The following BEST1 variants were observed in gnomAD, a reference collection of about 807,000 sequenced individuals.
BEST1 encodes bestrophin-1.
A neutral mutation model predicts 63.3 loss-of-function variants in BEST1; 58 were observed. The ratio of observed to expected loss-of-function variants is 0.92; its 90% CI spans 0.74 to 1.14. The LOEUF is 1.14. BEST1 is among the 50% of genes most tolerant of loss of function. The probability of loss-of-function intolerance (pLI) is 0.00; values close to 1 mark genes in which losing one functional copy is unlikely to be tolerated. For synonymous variants in BEST1, 283 were observed against 291.6 expected (o/e 0.97, Z 0.30); for missense variants, 671 against 740.1 (o/e 0.91, Z 1.08).
intron 9 of BEST1, chr11:61,960,945 A>C (rs1286374716): frequency 6.6e-6 from 1 of 151,776 alleles, no homozygotes; most frequent in Non-Finnish European, 1.5e-5. Flanking sequence ...TGCCTTGGAG[A>C]GTGTTGGGCA....
chr11:61,955,794 C>A lies in BEST1; in HGVS notation c.324C>A (p.Ser108Arg). 6.5e-7 allele frequency: 1 copy of A among 1,550,286 alleles called. No individual in the cohort carries two copies. Among genetic ancestry groups the A allele is most frequent in the Non-Finnish European group, 8.7e-7 (1 of 1,146,932 alleles). The change falls in exon 4 of 11, where the codon AGC becomes AGA. Residue 108 changes from serine to arginine, a missense_variant. Physicochemically the swap from Ser to Arg is moderately radical, Grantham distance 110. Transcript: ENST00000378043. Reference protein sequence around the residue: ...ENLPWPDRLMSLVSGFVEGKD... With the variant: ...ENLPWPDRLMRLVSGFVEGKD... ...TGCCGTGGCCCGACCGCCTCATGAG[C>A]CTGGTGTCGGGCTTCGTCGAAGGCA... is the stretch of plus-strand genomic sequence containing the variant.
rs932972380 is a variant in BEST1, at chr11:61,955,952, G to A, written c.481+1G>A. ...AGCGCCCAGCACCTGGTGCAAGCAG[G>A]TGGGCGGACCGGGAGCAACGGGGAG... On this transcript the variant is annotated splice_donor_variant, in intron 4 of 10. Coordinates refer to ENST00000378043, the MANE Select transcript of BEST1 (RefSeq NM_004183.4). LOFTEE classifies it high-confidence loss of function. 1.3e-6 allele frequency: 2 copies of A among 1,545,958 alleles called. No individual in the cohort carries two copies. The highest frequency in any genetic ancestry group is 2.5e-5 in the East Asian group (1 of 40,800).
chr11:61,959,362 A>G (rs1941789355), intron 7 of BEST1, 136 bp from the exon 8 acceptor site: 1 of 828,748 alleles, frequency 1.2e-6, no homozygotes, highest in Non-Finnish European at 2.0e-6. Context: ...GGAGCCCTAA[A>G]CTCTGCCTTT....
At chr11:61,963,416 G>C (rs913766912) in intron 10 of BEST1, 7 of 1,194,362 alleles carry the variant, frequency 5.9e-6, no homozygotes, top group South Asian at 3.6e-5. Context: ...AGCGCCCTTA[G>C]GTCATTTTCT....
At chr11:61,963,236 C>T in intron 10 of BEST1, 1 of 1,389,280 alleles carries the variant, frequency 7.2e-7, no homozygotes, top group South Asian at 1.9e-5. Flanking sequence ...CTGGCCCCAA[C>T]TTACTTTGAG....
rs536333519 is a variant in BEST1, at chr11:61,958,246, T to C, written c.815T>C (p.Val272Ala). 1.9e-6 allele frequency: 3 copies of C among 1,614,228 alleles called. No homozygotes were observed. The highest frequency in any genetic ancestry group is 2.2e-5 in the East Asian group (1 of 44,882). The change falls in exon 7 of 11, where the codon GTT becomes GCT. Residue 272 changes from valine to alanine, a missense_variant. By Grantham distance (64) the Val-to-Ala change is moderately conservative. Transcript: ENST00000378043. ...KAYPGHELDL[V>A]VPVFTFLQFF... ...TACCCTGGCCATGAGCTGGACCTCG[T>C]TGTGCCCGTCTTCACGTTCCTGCAG...
In BEST1 at chr11:61,951,939, A is replaced by G. The variant is rs1940711760; in HGVS notation, c.133A>G (p.Ile45Val). The change falls in exon 2 of 11, where the codon ATC (isoleucine) becomes GTC (valine). Residue 45 changes from isoleucine to valine, a missense_variant. Physicochemically the swap from Ile to Val is conservative, Grantham distance 29. Coordinates refer to ENST00000378043, the MANE Select transcript of BEST1 (RefSeq NM_004183.4). The part of the protein sequence containing the change: ...EFLIFLLCYY[I>V]IRFIYRLALT... ...CTTAATCTTCCTGCTCTGCTACTAC[A>G]TCATCCGCTTTATTTATAGGTAAAG... 1.2e-6 allele frequency: 2 copies of G among 1,613,386 alleles called. No individual in the cohort carries two copies. The highest frequency in any genetic ancestry group is 3.3e-5 in the Admixed American group (2 of 59,980).
Position 61,964,358 on chromosome 11 carries a change from C to A in BEST1, c.*236C>A. 1 of 829,430 alleles carries A rather than the reference C, an allele frequency of 1.2e-6. No individual in the cohort carries two copies. The highest frequency in any genetic ancestry group is 1.8e-6 in the Non-Finnish European group (1 of 546,510). The allele number at this position is 829,430 out of a possible 1,614,324, so 51.4% of individuals were successfully genotyped here. A position where few individuals can be genotyped will look rare whatever the true frequency, so the allele number is the denominator to read the frequency against. On this transcript the variant is annotated 3_prime_UTR_variant, in exon 11 of 11. Transcript: ENST00000378043. ...AACCATTGGAAACATTTAACTCAGA[C>A]TCTGGATTCAGAGTCGGGAACCCTT...
chr11:61,963,368 C>T, intron 10 of BEST1: 1 of 1,268,018 alleles, frequency 7.9e-7, no homozygotes, highest in Non-Finnish European at 9.9e-7. Flanking sequence ...AACTGCCTCA[C>T]TCCTAGGAAC....
In BEST1 at chr11:61,964,159, C is replaced by T. The variant is rs770767972; in HGVS notation, c.*37C>T. On this transcript the variant is annotated 3_prime_UTR_variant, in exon 11 of 11. Transcript: ENST00000378043. ...ATGGGGATGCTTCGCCAGCCAGGTC[C>T]TCACCTGTGTGTACACCAGCAGGAC... 1.2e-6 allele frequency: 2 copies of T among 1,613,426 alleles called. No homozygotes were observed. Among genetic ancestry groups the T allele is most frequent in the South Asian group, 2.2e-5 (2 of 90,988 alleles).
chr11:61,951,994 A>C (rs1478235058), intron 2 of BEST1, 36 bp downstream of exon 2: 16 of 1,609,790 alleles, frequency 9.9e-6, no homozygotes, highest in Non-Finnish European at 1.4e-5. Context: ...GGGCCTGGGA[A>C]GGATGTGGCT....
intron 5 of BEST1, 150 bp downstream of exon 5, chr11:61,957,148 A>G: frequency 7.9e-7 from 1 of 1,273,286 alleles, no homozygotes; most frequent in Non-Finnish European, 1.1e-6. Context: ...ACAGCAATCC[A>G]CAGCCCGAGG....
Position 61,957,384 on chromosome 11 carries a change from C to A in BEST1, c.637-3C>A, listed in dbSNP as rs558768495. 3.0e-5 allele frequency: 49 copies of A among 1,613,902 alleles called. No individual in the cohort carries two copies. Among genetic ancestry groups the A allele is most frequent in the Non-Finnish European group, 4.0e-5 (47 of 1,179,810 alleles). On this transcript the variant is annotated splice_region_variant and splice_polypyrimidine_tract_variant and intron_variant, in intron 5 of 10. Coordinates refer to ENST00000378043, the MANE Select transcript of BEST1 (RefSeq NM_004183.4). ...AACCCCATCCCCCTCTTCTGCCCCC[C>A]AGGAGATGAACACCTTGCGTACTCA...
intron 8 of BEST1, 54 bp downstream of exon 8, chr11:61,959,632 A>G: frequency 6.3e-7 from 1 of 1,587,262 alleles, no homozygotes; most frequent in South Asian, 1.1e-5. Flanking sequence ...AGTGGACCCA[A>G]AGAGAGGACC....
Position 61,962,813 on chromosome 11 carries a change from A to G in BEST1, c.1659A>G (p.Lys553=), listed in dbSNP as rs1211510324. The G allele has an allele frequency of 6.2e-7, 1 of 1,614,212 alleles. No individual in the cohort carries two copies. The highest frequency in any genetic ancestry group is 8.5e-7 in the Non-Finnish European group (1 of 1,180,036). The change falls in exon 10 of 11, where the codon AAA becomes AAG. Residue 553 remains lysine (K), a synonymous_variant. Transcript: ENST00000378043. ...DMPEIPENHL[K]EPLEQSPTNI... ...CAGAGATCCCCGAAAATCACCTCAA[A>G]GAACCTTTGGAACAATCACCAACCA...
rs774668020 is a variant in BEST1 at position 61,959,873 on chromosome 11, TTC to T, written c.949-17_949-16del. The T allele has an allele frequency of 9.9e-5, 160 of 1,613,566 alleles. No homozygotes were observed. In the South Asian group the frequency reaches 1.7e-3, roughly 17 times the overall value. ...TGGGATGATCTTTCTGTGGGACTTC[TTC>T]TGTCCCTGGTGACCAGGTGTCCCTG... On this transcript the variant is annotated splice_polypyrimidine_tract_variant and intron_variant, in intron 8 of 10. Transcript: ENST00000378043.
intron 9 of BEST1, chr11:61,961,586 C>A: frequency 6.5e-6 from 1 of 154,092 alleles, no homozygotes; most frequent in Non-Finnish European, 1.4e-5. Flanking sequence ...GAGCTCAAAC[C>A]CAAGCCTCAA....
At chr11:61,962,010 C>A in intron 9 of BEST1, 1 of 562,242 alleles carries the variant, frequency 1.8e-6, no homozygotes. Flanking sequence ...GGGGTGGTTG[C>A]GGGGGTTGGA....
At chr11:61,951,310 C>T (rs377693543) in intron 1 of BEST1, among the ~76,000 whole-genome samples, 59 of 152,234 alleles carry the variant, frequency 3.9e-4, no homozygotes, top group East Asian at 2.7e-3. Flanking sequence ...TGGGTTCAAG[C>T]GATTCTCCTG....
Sources: allele counts gnomAD v4.1 joint callset (sites outside exome capture counted in the v4.1 genomes callset), GRCh38; gene constraint gnomAD v4.1.1; transcripts MANE v1.5; gene names NCBI Gene and HGNC (gene_info 2026-07-23, HGNC 2026-07-21).